The following RHOBTB3 variants were observed in gnomAD, a reference collection of about 807,000 sequenced individuals.
RHOBTB3 encodes Rho related BTB domain containing 3.
A neutral mutation model predicts 67.2 loss-of-function variants in RHOBTB3; 47 were observed. The observed-to-expected ratio is 0.70, with a 90% CI of 0.55 to 0.89. The LOEUF is 0.89. Ranked by LOEUF, RHOBTB3 falls within the 40% of genes least tolerant of loss-of-function variation. The pLI is 0.00. For synonymous variants in RHOBTB3, 273 were observed against 274.2 expected (o/e 1.00, Z 0.04); for missense variants, 631 against 750.0 (o/e 0.84, Z 1.85).
At chr5:95,783,087 TTTTATTTTA>T (rs1417181361) in intron 9 of RHOBTB3, among the ~76,000 whole-genome samples, 1 of 95,246 alleles carries the variant, frequency 1.0e-5, no homozygotes, top group Non-Finnish European at 2.5e-5. Context: ...ATTTTTACTT[TTTTATTTTA>T]TTTATTTATT....
At chr5:95,753,519 T>C (rs1745154469) in intron 5 of RHOBTB3, among the ~76,000 whole-genome samples, 2 of 152,210 alleles carry the variant, frequency 1.3e-5, no homozygotes, top group Admixed American at 1.3e-4. Flanking sequence ...GTTGGATCAA[T>C]GTCCTTTGGA....
At chr5:95,752,107 G>T in intron 4 of RHOBTB3, 132 bp from the exon 5 acceptor site, 1 of 592,150 alleles carries the variant, frequency 1.7e-6, no homozygotes, top group Non-Finnish European at 3.0e-6. Context: ...TTGTTTATAT[G>T]TGTTTGCTAA....
chr5:95,753,520 G>A (rs1022112727), intron 5 of RHOBTB3, among the ~76,000 whole-genome samples: 2 of 152,080 alleles, frequency 1.3e-5, no homozygotes, highest in Non-Finnish European at 2.9e-5. Context: ...TTGGATCAAT[G>A]TCCTTTGGAA....
At chr5:95,734,477 G>A (rs1364768591) in intron 2 of RHOBTB3, among the ~76,000 whole-genome samples, 1 of 152,130 alleles carries the variant, frequency 6.6e-6, no homozygotes, top group Admixed American at 6.5e-5. Context: ...TGTTGTTGTT[G>A]CCTTGAAGTT....
At chr5:95,790,441 T>C (rs1022463730) in intron 11 of RHOBTB3, among the ~76,000 whole-genome samples, 3 of 152,246 alleles carry the variant, frequency 2.0e-5, no homozygotes, top group Non-Finnish European at 4.4e-5. Context: ...TGTATAGATA[T>C]ATGGTATATA....
At position 95,793,258 on chromosome 5, in the gene RHOBTB3, G is replaced by A. The variant is rs542074449; in HGVS notation, c.*84G>A. ...AGGTTCCAGTAAAATTCTTCTGACC[G>A]AAACCAATGTGGGTGTTAGAAAAAT... On this transcript the variant is annotated 3_prime_UTR_variant, in exon 12 of 12. Coordinates refer to ENST00000379982, the MANE Select transcript of RHOBTB3 (RefSeq NM_014899.4). 2.2e-4 allele frequency: 183 copies of A among 850,966 alleles called. 1 individual carries two copies. The South Asian group carries it at 2.9e-3, about 14-fold the overall frequency. The allele number at this position is 850,966 out of a possible 1,614,324, so 52.7% of individuals were successfully genotyped here. A position where few individuals can be genotyped will look rare whatever the true frequency, so the allele number is the denominator to read the frequency against.
rs139679644 is a variant in RHOBTB3, at chr5:95,742,172, C to A, written c.415+5097C>A. ...ACCAAGGTCTGGGCTCTAGGATGCT[C>A]ATGACTTTAGGTGTCTTTACTTCTG... is the stretch of plus-strand genomic sequence containing the variant. On this transcript the variant is annotated intron_variant, in intron 3 of 11. Transcript: ENST00000379982. Among the ~76,000 whole-genome samples, 612 of 152,296 alleles carry A rather than the reference C, an allele frequency of 4.0e-3. 2 individuals carry two copies. The highest frequency in any genetic ancestry group is 0.014 in the African/African-American group (592 of 41,556).
At chr5:95,785,759 A>T (rs951649193) in intron 10 of RHOBTB3, among the ~76,000 whole-genome samples, 3 of 152,208 alleles carry the variant, frequency 2.0e-5, no homozygotes, top group Non-Finnish European at 2.9e-5. Context: ...TACTATTCTA[A>T]CAAGTTGTTC....
upstream of RHOBTB3, among the ~76,000 whole-genome samples, chr5:95,730,120 C>T (rs929936533): frequency 6.6e-6 from 1 of 151,954 alleles, no homozygotes; most frequent in African/African-American, 2.4e-5. Context: ...AGAATATCTC[C>T]CATTATATCC....
At chr5:95,723,558 G>GT (rs1346380036) in intron 1 of RHOBTB3, among the ~76,000 whole-genome samples, 2 of 151,918 alleles carry the variant, frequency 1.3e-5, no homozygotes, top group South Asian at 2.1e-4. Flanking sequence ...TTGTTTGTTT[G>GT]TTTTTTTAAA....
intron 10 of RHOBTB3, among the ~76,000 whole-genome samples, 157 bp downstream of exon 10, chr5:95,784,120 G>C (rs933256128): frequency 6.6e-6 from 1 of 152,164 alleles, no homozygotes. Flanking sequence ...AGTTTATCTG[G>C]CTAGATAATT....
intron 6 of RHOBTB3, among the ~76,000 whole-genome samples, chr5:95,759,420 T>C (rs1433792237): frequency 1.3e-5 from 2 of 152,270 alleles, no homozygotes; most frequent in African/African-American, 4.8e-5. Flanking sequence ...ATTTACATTA[T>C]GTTAAAAAGA....
chr5:95,763,472 A>G (rs753095745), intron 6 of RHOBTB3, 36 bp from the exon 7 acceptor site: 1 of 1,225,136 alleles, frequency 8.2e-7, no homozygotes, highest in Non-Finnish European at 1.2e-6. Context: ...TTCCTCATTT[A>G]ACAGAAAAAT....
At position 95,794,574 on chromosome 5, in the gene RHOBTB3, G is replaced by A. The variant is rs1235208162; in HGVS notation, c.*1400G>A. 1 of 152,482 alleles carries A rather than the reference G, an allele frequency of 6.6e-6. No individual in the cohort carries two copies. The highest frequency in any genetic ancestry group is 1.5e-5 in the Non-Finnish European group (1 of 68,270). The allele number at this position is 152,482 out of a possible 1,614,324, so 9.4% of individuals were successfully genotyped here. ...TTCTTTCTTTCATATCACATGTATA[G>A]AGAAATAATTATATCAGAAACTCAC... is the stretch of plus-strand genomic sequence containing the variant. On this transcript the variant is annotated 3_prime_UTR_variant, in exon 12 of 12. Transcript: ENST00000379982.
chr5:95,755,585 C>T lies in RHOBTB3; in HGVS notation c.872C>T (p.Thr291Ile). ...CTGCTTTTCAATGTGAAGAGTCCCA[C>T]TGACATTCAGGATTCCAGTATCATC... ...FMLLFNVKSP[T>I]DIQDSSIIRT... The change falls in exon 6 of 12, where the codon ACT becomes ATT. Residue 291 changes from threonine to isoleucine, a missense_variant. By Grantham distance (89) the Thr-to-Ile change is moderately conservative (BLOSUM62 -1). Coordinates refer to ENST00000379982, the MANE Select transcript of RHOBTB3 (RefSeq NM_014899.4). The T allele has an allele frequency of 6.2e-7, 1 of 1,614,070 alleles. No homozygotes were observed. Among genetic ancestry groups the T allele is most frequent in the Non-Finnish European group, 8.5e-7 (1 of 1,179,948 alleles).
chr5:95,790,629 G>T (rs1260490804), intron 11 of RHOBTB3, among the ~76,000 whole-genome samples: 2 of 152,186 alleles, frequency 1.3e-5, no homozygotes, highest in Admixed American at 6.5e-5. Context: ...ATGTGTCGAT[G>T]TTGCCTTCTG....
intron 8 of RHOBTB3, among the ~76,000 whole-genome samples, chr5:95,772,373 C>T (rs1199702390): frequency 6.6e-6 from 1 of 152,160 alleles, no homozygotes; most frequent in Non-Finnish European, 1.5e-5. Context: ...GGTTCCATGG[C>T]CAGGGCTGAC....
In RHOBTB3 at chr5:95,755,577, G is replaced by A; in HGVS notation, c.864G>A (p.Lys288=). The A allele has an allele frequency of 6.2e-7, 1 of 1,614,064 alleles. No homozygotes were observed. The highest frequency in any genetic ancestry group is 8.5e-7 in the Non-Finnish European group (1 of 1,179,964). The change falls in exon 6 of 12, where the codon AAG becomes AAA. Residue 288 remains lysine, a synonymous_variant. Coordinates refer to ENST00000379982, the MANE Select transcript of RHOBTB3 (RefSeq NM_014899.4). The part of the protein sequence containing the change: ...SHVFMLLFNV[K]SPTDIQDSSI... Reference sequence around the variant, plus strand: ...TTTTCATGCTGCTTTTCAATGTGAAGAGTCCCACTGACATTCAGGATTCCA... The same window carrying A: ...TTTTCATGCTGCTTTTCAATGTGAAAAGTCCCACTGACATTCAGGATTCCA...
At chr5:95,755,880 T>C in intron 6 of RHOBTB3, 119 bp downstream of exon 6, 1 of 916,222 alleles carries the variant, frequency 1.1e-6, no homozygotes, top group Non-Finnish European at 1.6e-6. Context: ...CATCTGAGAT[T>C]AAGATTATAC....
Sources: gnomAD v4.1 joint callset for allele counts (sites outside exome capture counted in the v4.1 genomes callset) on GRCh38, gnomAD v4.1.1 for gene constraint, MANE v1.5 for transcripts, NCBI Gene and HGNC (gene_info 2026-07-23, HGNC 2026-07-21) for gene names.